Variants in LDHB observed in about 807,000 individuals in gnomAD.
LDHB encodes the protein L-lactate dehydrogenase B chain.
Under a neutral mutation model 33.4 loss-of-function variants are expected in LDHB, and 18 were observed. The ratio of observed to expected loss-of-function variants is 0.54; its 90% CI spans 0.37 to 0.80. The LOEUF is 0.80. Ranked by LOEUF, LDHB falls within the 30% of genes least tolerant of loss-of-function variation. LDHB has a pLI of 0.00. For synonymous variants in LDHB, 121 were observed against 140.6 expected (o/e 0.86, Z 0.98); for missense variants, 345 against 407.9 (o/e 0.85, Z 1.33).
Position 21,637,052 on chromosome 12 carries a change from T to G in LDHB, c.837+19A>C. On this transcript the variant is annotated intron_variant, in intron 7 of 7. Coordinates refer to ENST00000350669, the MANE Select transcript of LDHB (RefSeq NM_002300.8). ...ACAATGCGAGAAATCATATTACATT[T>G]TGTGGTAGTTTGTCTTACCTTTACC... is the stretch of plus-strand genomic sequence containing the variant. The G allele has an allele frequency of 3.2e-6, 5 of 1,579,126 alleles. No homozygotes were observed. The highest frequency in any genetic ancestry group is 4.3e-6 in the Non-Finnish European group (5 of 1,150,716).
chr12:21,654,567 C>T lies in LDHB; in HGVS notation c.105G>A (p.Ala35=), dbSNP rs769498070. The change falls in exon 2 of 8, where the codon GCG becomes GCA. Residue 35 remains alanine, a synonymous_variant. Transcript: ENST00000350669. ...TVVGVGQVGM[A]CAISILGKSL... is the part of the protein sequence containing the mutation. ...CCTTTCCCAGAATGCTGATAGCACA[C>T]GCCATACCAACTTGTCCAACACCCA... is the stretch of plus-strand genomic sequence containing the variant. The T allele has an allele frequency of 9.3e-6, 15 of 1,614,088 alleles. No homozygotes were observed. The highest frequency in any genetic ancestry group is 6.6e-5 in the South Asian group (6 of 91,082).
chr12:21,652,254 T>C (rs1346701337), intron 2 of LDHB, among the ~76,000 whole-genome samples: 1 of 152,204 alleles, frequency 6.6e-6, no homozygotes, highest in Admixed American at 6.5e-5. Context: ...GCTTAAATAG[T>C]AGCATTGAAT....
In LDHB at chr12:21,644,117, AG is replaced by A; in HGVS notation, c.248-10del. 6.2e-7 allele frequency: 1 copy of A among 1,603,284 alleles called. No homozygotes were observed. The highest frequency in any genetic ancestry group is 8.5e-7 in the Non-Finnish European group (1 of 1,170,172). Reference sequence around the variant, plus strand: ...GGCAGTCACAGAATAATCTTTAAAAAGAAAAGCAAAAACAGGTACTTTAAAT... The same window carrying A: ...GGCAGTCACAGAATAATCTTTAAAAAAAAAGCAAAAACAGGTACTTTAAAT... On this transcript the variant is annotated splice_polypyrimidine_tract_variant and intron_variant, in intron 3 of 7. Coordinates refer to ENST00000350669, the MANE Select transcript of LDHB (RefSeq NM_002300.8).
intron 1 of LDHB, chr12:21,656,920 C>G (rs1447808392): frequency 1.3e-5 from 2 of 152,128 alleles, no homozygotes; most frequent in Non-Finnish European, 2.9e-5. Flanking sequence ...TCTTTCTCAC[C>G]GTAATCTTTT....
intron 1 of LDHB, chr12:21,656,983 C>T (rs1938866053): frequency 6.7e-6 from 1 of 148,518 alleles, no homozygotes; most frequent in Admixed American, 6.8e-5. Context: ...TCCCCAGGCC[C>T]TTACTGCAGC....
At chr12:21,642,376 C>T (rs181602292) in intron 4 of LDHB, among the ~76,000 whole-genome samples, 16 of 152,030 alleles carry the variant, frequency 1.1e-4, no homozygotes, top group African/African-American at 3.6e-4. Context: ...TTTACATTTG[C>T]ATTATTATGT....
intron 3 of LDHB, among the ~76,000 whole-genome samples, chr12:21,644,424 C>CAAAAA (rs72491634): frequency 1.0e-3 from 16 of 15,264 alleles, no homozygotes; most frequent in African/African-American, 1.9e-3. Context: ...AGGTAGACAT[C>CAAAAA]AAAAAAAAAA....
At chr12:21,638,562 C>A (rs551414114) in intron 5 of LDHB, 92 bp from the exon 6 acceptor site, 2 of 854,818 alleles carry the variant, frequency 2.3e-6, no homozygotes, top group Non-Finnish European at 1.9e-6. Flanking sequence ...ACCTATGATG[C>A]AAATTACTGA....
rs5796919 is a variant in LDHB, at chr12:21,650,103, A to AAAAAATAT, written c.130-3088_130-3087insATATTTTT. Among the ~76,000 whole-genome samples, 7 of 137,086 alleles carry AAAAAATAT rather than the reference A, an allele frequency of 5.1e-5. No individual in the cohort carries two copies. In the South Asian group the frequency reaches 9.1e-4, roughly 18 times the overall value. The allele number at this position is 137,086 out of a possible 152,430, so 89.9% of individuals were successfully genotyped here. On this transcript the variant is annotated intron_variant, in intron 2 of 7. Transcript: ENST00000350669. ...AGACTCTCTCTCTCAAGAGAAAAAA[A>AAAAAATAT]ATACACACACACACACACACACACA...
In LDHB at chr12:21,654,587, C is replaced by T; in HGVS notation, c.85G>A (p.Val29Ile). ...VPNNKITVVG[V>I]GQVGMACAIS... ...GCACACGCCATACCAACTTGTCCAA[C>T]ACCCACTACAGTGATCTTATTGTTT... The change falls in exon 2 of 8, where the codon GTT becomes ATT. Residue 29 changes from valine to isoleucine, a missense_variant. Val to Ile is a conservative substitution (Grantham distance 29). Coordinates refer to ENST00000350669, the MANE Select transcript of LDHB (RefSeq NM_002300.8). 6.2e-7 allele frequency: 1 copy of T among 1,614,106 alleles called. No homozygotes were observed. Among genetic ancestry groups the T allele is most frequent in the South Asian group, 1.1e-5 (1 of 91,070 alleles).
intron 6 of LDHB, 71 bp from the exon 7 acceptor site, chr12:21,637,265 T>A: frequency 8.7e-7 from 1 of 1,151,032 alleles, no homozygotes; most frequent in Non-Finnish European, 1.3e-6. Context: ...TGACTTTGAC[T>A]ACTGCTCTGT....
In LDHB at chr12:21,654,599, T is replaced by C. The variant is rs774116069; in HGVS notation, c.73A>G (p.Thr25Ala). The C allele has an allele frequency of 6.2e-7, 1 of 1,613,278 alleles. No homozygotes were observed. Among genetic ancestry groups the C allele is most frequent in the African/African-American group, 1.3e-5 (1 of 74,906 alleles). ...CCAACTTGTCCAACACCCACTACAGTGATCTTATTGTTTGGAACTGTTGCC... is the reference window on the plus strand; with the variant it reads ...CCAACTTGTCCAACACCCACTACAGCGATCTTATTGTTTGGAACTGTTGCC... The part of the protein sequence containing the change: ...EEATVPNNKI[T>A]VVGVGQVGMA... The change falls in exon 2 of 8, where the codon ACT becomes GCT. Residue 25 changes from threonine (T) to alanine (A), a missense_variant. Coordinates refer to ENST00000350669, the MANE Select transcript of LDHB (RefSeq NM_002300.8).
chr12:21,647,703 C>A (rs1613896), intron 2 of LDHB, among the ~76,000 whole-genome samples: 5 of 151,792 alleles, frequency 3.3e-5, no homozygotes, highest in African/African-American at 1.2e-4. Flanking sequence ...TTTTTTGAGA[C>A]GGAGTCTCGC....
intron 2 of LDHB, among the ~76,000 whole-genome samples, chr12:21,648,895 T>G (rs888270399): frequency 2.0e-5 from 3 of 152,244 alleles, no homozygotes; most frequent in African/African-American, 7.2e-5. Flanking sequence ...TTTGAAATGA[T>G]CATTCTGTGA....
intron 3 of LDHB, among the ~76,000 whole-genome samples, chr12:21,644,446 C>CAAACAAAAAAA (rs1555165060): frequency 9.2e-6 from 1 of 108,844 alleles, no homozygotes; most frequent in Non-Finnish European, 1.9e-5. Flanking sequence ...AAAAAAAAAA[C>CAAACAAAAAAA]AAAAACAAAA....
At chr12:21,649,026 A>T (rs150342329) in intron 2 of LDHB, among the ~76,000 whole-genome samples, 2 of 152,160 alleles carry the variant, frequency 1.3e-5, no homozygotes, top group African/African-American at 4.8e-5. Flanking sequence ...GTTCTTTGCA[A>T]TCTCTGACAA....
At chr12:21,640,680 C>T (rs1220153854) in intron 5 of LDHB, among the ~76,000 whole-genome samples, 36 of 152,058 alleles carry the variant, frequency 2.4e-4, no homozygotes, top group Admixed American at 2.4e-3. Context: ...ACAAGCACAC[C>T]TATGCCCTGA....
At chr12:21,650,103 A>ATATAT (rs1555165526) in intron 2 of LDHB, among the ~76,000 whole-genome samples, 7 of 137,040 alleles carry the variant, frequency 5.1e-5, no homozygotes, top group Non-Finnish European at 7.6e-5. Flanking sequence ...AGAGAAAAAA[A>ATATAT]ATACACACAC....
rs756522572 is a variant in LDHB, at chr12:21,641,970, C to T, written c.577G>A (p.Glu193Lys). The T allele has an allele frequency of 2.5e-6, 4 of 1,612,402 alleles. No homozygotes were observed. In the East Asian group the frequency reaches 6.7e-5, roughly 27 times the overall value. Residue 193 changes from glutamate (E) to lysine (K), a missense_variant, in exon 5 of 8, where the codon GAA (glutamate) becomes AAA (lysine). Coordinates refer to ENST00000350669, the MANE Select transcript of LDHB (RefSeq NM_002300.8). The stretch of plus-strand genomic sequence containing the variant: ...TCTTTACCACTTGAGTCGCCATGTT[C>T]CCCCAAAATCCATCCATGGCAGCTG... ...PSSCHGWILG[E>K]HGDSSVAVWS...
Sources: allele counts gnomAD v4.1 joint callset (sites outside exome capture counted in the v4.1 genomes callset), GRCh38; gene constraint gnomAD v4.1.1; transcripts MANE v1.5; gene names NCBI Gene and HGNC (gene_info 2026-07-23, HGNC 2026-07-21).